Variants in KIF26B observed in about 807,000 individuals in gnomAD.
The protein encoded by KIF26B is kinesin-like protein KIF26B.
In KIF26B, 63 loss-of-function variants were observed where a neutral mutation model predicts 151.2. That is an observed-to-expected ratio of 0.42 (90% confidence interval 0.34 to 0.51). The LOEUF is 0.51. Among genes scored for constraint, KIF26B ranks in the 20% least tolerant of loss-of-function variants. The pLI, the probability that KIF26B is intolerant of heterozygous loss-of-function variation, is 0.07. For synonymous variants in KIF26B, 1,357 were observed against 1,262.1 expected (o/e 1.08, Z -1.59); for missense variants, 2,813 against 2,913.6 (o/e 0.97, Z 0.79).
rs746925237 is a variant in KIF26B, at chr1:245,241,935, A to G, written c.465+85252A>G. Among the ~76,000 whole-genome samples the G allele has an allele frequency of 4.6e-5, 7 of 152,162 alleles. No individual in the cohort carries two copies. The highest frequency in any genetic ancestry group is 1.0e-4 in the Non-Finnish European group (7 of 68,018). ...CCTCATCTCCAGCCATTCGAGATGC[A>G]GGCGTTGTCATTCCTTGAAATTCTC... On this transcript the variant is annotated intron_variant, in intron 2 of 14. Transcript: ENST00000407071. This position sits in a 1 kb window ranked among gnomAD's most constrained non-coding sequence, Gnocchi z 5.0.
chr1:245,546,268 G>A (rs1259737096), intron 5 of KIF26B, among the ~76,000 whole-genome samples: 1 of 152,084 alleles, frequency 6.6e-6, no homozygotes, highest in Non-Finnish European at 1.5e-5. Flanking sequence ...CCAGGCTGGA[G>A]TGCAATGGCA....
intron 6 of KIF26B, among the ~76,000 whole-genome samples, chr1:245,603,916 AG>A (rs889026064): frequency 6.6e-6 from 1 of 152,162 alleles, no homozygotes; most frequent in African/African-American, 2.4e-5. Flanking sequence ...TTGGGGGCCC[AG>A]GGTACCAAGA....
chr1:245,254,136 T>C (rs1440046908), intron 2 of KIF26B, among the ~76,000 whole-genome samples: 1 of 151,590 alleles, frequency 6.6e-6, no homozygotes, highest in Non-Finnish European at 1.5e-5. Context: ...TCTTTAACAT[T>C]ATGGGCATTT....
At chr1:245,384,439 A>T (rs938419834) in intron 3 of KIF26B, among the ~76,000 whole-genome samples, 5 of 152,250 alleles carry the variant, frequency 3.3e-5, no homozygotes, top group Non-Finnish European at 7.3e-5. Context: ...TAATTAATTC[A>T]TCAAGACAGG....
chr1:245,402,248 G>T (rs1674020828), intron 3 of KIF26B, among the ~76,000 whole-genome samples: 1 of 152,198 alleles, frequency 6.6e-6, no homozygotes, highest in Non-Finnish European at 1.5e-5. Flanking sequence ...AGAGAAAAAA[G>T]GTTCAAGTGG....
intron 10 of KIF26B, among the ~76,000 whole-genome samples, chr1:245,676,841 C>T (rs898359150): frequency 1.4e-4 from 22 of 152,250 alleles, no homozygotes; most frequent in Admixed American, 3.9e-4. Context: ...GAAACAACTG[C>T]TGCTTCACCA....
chr1:245,640,867 C>T (rs2043884635), intron 9 of KIF26B, among the ~76,000 whole-genome samples: 1 of 152,162 alleles, frequency 6.6e-6, no homozygotes, highest in Admixed American at 6.5e-5. Context: ...CAAAATTTGC[C>T]TACCTCAAAA....
chr1:245,400,345 C>T (rs923917133), intron 3 of KIF26B, among the ~76,000 whole-genome samples: 1 of 152,122 alleles, frequency 6.6e-6, no homozygotes, highest in Non-Finnish European at 1.5e-5. Flanking sequence ...GCCTATTTTA[C>T]CATGGGTTAC....
chr1:245,378,961 C>A (rs552036267), intron 3 of KIF26B, among the ~76,000 whole-genome samples: 5 of 152,114 alleles, frequency 3.3e-5, no homozygotes, highest in African/African-American at 1.2e-4. Context: ...TGACACATGG[C>A]GACTTCTCCG....
rs2044546477 is a variant in KIF26B, at chr1:245,687,496, A to G, written c.4513A>G (p.Asn1505Asp). The change falls in exon 12 of 15, where the codon AAC (asparagine) becomes GAC (aspartate). Residue 1505 changes from asparagine to aspartate, a missense_variant. Around this residue, in one of 3 missense-constraint regions of KIF26B, gnomAD observed 2,060 missense variants for 2,088.6 expected, o/e 0.99. Coordinates refer to ENST00000407071, the MANE Select transcript of KIF26B (RefSeq NM_018012.4). The surrounding 1 kb of genome is among the most constrained non-coding windows in gnomAD (Gnocchi z 4.9). Reference sequence around the variant, plus strand: ...GGTGTCGGCCTCCCCGGTCACTGACAACTTCAGGAGGGTCGTGGATGGGTG... The same window carrying G: ...GGTGTCGGCCTCCCCGGTCACTGACGACTTCAGGAGGGTCGTGGATGGGTG... ...GEVSASPVTD[N>D]FRRVVDGCEM... 6.3e-7 allele frequency: 1 copy of G among 1,581,428 alleles called. No individual in the cohort carries two copies. Among genetic ancestry groups the G allele is most frequent in the Non-Finnish European group, 8.6e-7 (1 of 1,164,038 alleles).
At chr1:245,433,871 C>T (rs1658839921) in intron 4 of KIF26B, among the ~76,000 whole-genome samples, 1 of 152,038 alleles carries the variant, frequency 6.6e-6, no homozygotes, top group African/African-American at 2.4e-5. Context: ...CATGGTTTGT[C>T]CTTTTAAACC....
chr1:245,381,296 T>G (rs892432510), intron 3 of KIF26B, among the ~76,000 whole-genome samples: 2 of 152,090 alleles, frequency 1.3e-5, no homozygotes, highest in African/African-American at 4.8e-5. Flanking sequence ...TGAGGAATGT[T>G]TGTTGTTGTT....
At chr1:245,503,783 G>C (rs922898615) in intron 4 of KIF26B, among the ~76,000 whole-genome samples, 1 of 152,240 alleles carries the variant, frequency 6.6e-6, no homozygotes, top group African/African-American at 2.4e-5. Flanking sequence ...TGGCTGTCTT[G>C]CCTTATGCAG....
At chr1:245,486,756 G>A (rs928859750) in intron 4 of KIF26B, among the ~76,000 whole-genome samples, 5 of 152,006 alleles carry the variant, frequency 3.3e-5, no homozygotes, top group Non-Finnish European at 5.9e-5. Flanking sequence ...CTGCAGCCTC[G>A]GCCTCCCAGG....
At position 245,318,848 on chromosome 1, in the gene KIF26B, T is replaced by C. The variant is rs1285902477; in HGVS notation, c.466-47986T>C. 6.6e-6 allele frequency among the ~76,000 whole-genome samples: 1 copy of C among 151,642 alleles called. No homozygotes were observed. The highest frequency in any genetic ancestry group is 6.6e-5 in the Admixed American group (1 of 15,194). ...AGTTTCTCGGTCACAAGGGAAACTT[T>C]TACTATTTGAAATCAGCCTGAGCCA... On this transcript the variant is annotated intron_variant, in intron 2 of 14. Transcript: ENST00000407071. This position sits in a 1 kb window ranked among gnomAD's most constrained non-coding sequence, Gnocchi z 4.0.
intron 4 of KIF26B, among the ~76,000 whole-genome samples, chr1:245,521,154 G>A (rs1015191657): frequency 3.9e-5 from 6 of 152,052 alleles, no homozygotes; most frequent in Admixed American, 2.6e-4. Flanking sequence ...TGGCTAACAC[G>A]GTGAAACCCC....
chr1:245,448,514 T>C lies in KIF26B; in HGVS notation c.1166+28769T>C, dbSNP rs533155830. Among the ~76,000 whole-genome samples, 9 of 152,266 alleles carry C rather than the reference T, an allele frequency of 5.9e-5. No individual in the cohort carries two copies. The South Asian group carries it at 1.9e-3, about 32-fold the overall frequency. On this transcript the variant is annotated intron_variant, in intron 4 of 14. Transcript: ENST00000407071. ...CATGAGCGACCATGCCCGGCTTGAA[T>C]TCTGTTGTTTTTAACTTACCCAGTC...
intron 5 of KIF26B, among the ~76,000 whole-genome samples, chr1:245,591,968 C>T (rs570168790): frequency 4.6e-5 from 7 of 152,198 alleles, no homozygotes; most frequent in East Asian, 1.9e-4. Context: ...CCCTCCAGCG[C>T]GCAGTCCCTT....
At chr1:245,438,937 G>A (rs759983060) in intron 4 of KIF26B, among the ~76,000 whole-genome samples, 13 of 152,212 alleles carry the variant, frequency 8.5e-5, no homozygotes, top group Admixed American at 6.5e-4. Context: ...GTGAGGAAAT[G>A]TTTGGGGGTA....
Sources: gnomAD v4.1 joint callset for allele counts (sites outside exome capture counted in the v4.1 genomes callset) on GRCh38, gnomAD v4.1.1 for gene constraint, gnomAD v4.1.1 regional missense constraint, Gnocchi (gnomAD v3.1) non-coding constraint, MANE v1.5 for transcripts, NCBI Gene and HGNC (gene_info 2026-07-23, HGNC 2026-07-21) for gene names.